Variants in PM20D2 observed in about 807,000 individuals in gnomAD.
PM20D2 encodes the protein peptidase M20 domain containing 2.
PM20D2 carries 33 observed loss-of-function variants against 42.9 expected under a neutral mutation model. That is an observed-to-expected ratio of 0.77 (90% CI 0.58 to 1.03). PM20D2 has a LOEUF of 1.03. Among genes scored for constraint, PM20D2 ranks in the 50% least tolerant of loss-of-function variants. The pLI, the probability that PM20D2 is intolerant of heterozygous loss-of-function variation, is 0.00. For missense variants in PM20D2, 548 were observed against 557.0 expected (o/e 0.98, Z 0.16); for synonymous variants, 250 against 228.2 (o/e 1.10, Z -0.86).
the PM20D2 span, among the ~76,000 whole-genome samples, chr6:89,127,482 G>A: frequency 2.2e-4 from 33 of 151,990 alleles, no homozygotes; most frequent in Non-Finnish European, 4.1e-4. Context: ...GGCATGTGCC[G>A]CCAAGCCTGG....
At chr6:89,151,581 C>T (rs952751099) in intron 2 of PM20D2, among the ~76,000 whole-genome samples, 3 of 152,158 alleles carry the variant, frequency 2.0e-5, no homozygotes, top group Admixed American at 6.5e-5. Context: ...TTTCCCAAAT[C>T]CAGTCCTTTT....
chr6:89,095,380 T>C, the PM20D2 span, among the ~76,000 whole-genome samples: 17 of 151,946 alleles, frequency 1.1e-4, no homozygotes, highest in Non-Finnish European at 2.4e-4. Context: ...GCCCGGCTAA[T>C]TTTTTTTGGT....
At chr6:89,117,970 A>G in the PM20D2 span, 2 of 1,425,234 alleles carry the variant, frequency 1.4e-6, no homozygotes, top group Non-Finnish European at 1.9e-6. Flanking sequence ...CCACCACAGG[A>G]GCTCCGCCGG....
intron 2 of PM20D2, among the ~76,000 whole-genome samples, chr6:89,149,807 CTTTAA>C (rs1263821069): frequency 3.3e-5 from 5 of 152,168 alleles, no homozygotes; most frequent in Non-Finnish European, 7.4e-5. Flanking sequence ...ATTTTATTTA[CTTTAA>C]TTTGAGTTCT....
the PM20D2 span, among the ~76,000 whole-genome samples, chr6:89,115,890 C>T: frequency 6.6e-6 from 1 of 152,104 alleles, no homozygotes; most frequent in East Asian, 1.9e-4. Context: ...CTGCCTCAGC[C>T]TCCCAAAGTG....
the PM20D2 span, among the ~76,000 whole-genome samples, chr6:89,102,015 AAAG>A: frequency 2.6e-5 from 4 of 152,050 alleles, no homozygotes; most frequent in Non-Finnish European, 5.9e-5. Flanking sequence ...AAGAGGAAAA[AAAG>A]AAATACTAAA....
upstream of PM20D2, among the ~76,000 whole-genome samples, chr6:89,141,885 C>G (rs1158094219): frequency 5.9e-5 from 9 of 152,274 alleles, no homozygotes; most frequent in South Asian, 1.7e-3. Flanking sequence ...CTTACTGTAG[C>G]TTTGACCTCC....
the PM20D2 span, among the ~76,000 whole-genome samples, chr6:89,123,157 G>C: frequency 6.6e-6 from 1 of 152,098 alleles, no homozygotes; most frequent in Non-Finnish European, 1.5e-5. Flanking sequence ...TCTTGGGGGG[G>C]TGTTTCTTTC....
the PM20D2 span, chr6:89,098,520 CATA>C: frequency 6.6e-7 from 1 of 1,512,064 alleles, no homozygotes; most frequent in Non-Finnish European, 8.8e-7. Context: ...TTTTATTTAA[CATA>C]ATGAGAGTTT....
chr6:89,161,907 G>A lies in PM20D2; in HGVS notation c.1156+17G>A, dbSNP rs1158221383. 1 of 1,587,618 alleles carries A rather than the reference G, an allele frequency of 6.3e-7. No homozygotes were observed. Among genetic ancestry groups the A allele is most frequent in the South Asian group, 1.1e-5 (1 of 90,288 alleles). ...AAGCTGCTGGTAAGTGTTGTTGGATGTGACTGTTTTGGCACACACACTCTT... is the reference window on the plus strand; with the variant it reads ...AAGCTGCTGGTAAGTGTTGTTGGATATGACTGTTTTGGCACACACACTCTT... On this transcript the variant is annotated intron_variant, in intron 6 of 6. Coordinates refer to ENST00000275072, the MANE Select transcript of PM20D2 (RefSeq NM_001010853.3).
In PM20D2 at chr6:89,146,626, G is replaced by T; in HGVS notation, c.465+17G>T. 2.1e-6 allele frequency: 3 copies of T among 1,399,976 alleles called. No individual in the cohort carries two copies. The highest frequency in any genetic ancestry group is 2.8e-6 in the Non-Finnish European group (3 of 1,084,008). The allele number at this position is 1,399,976 out of a possible 1,614,324, so 86.7% of individuals were successfully genotyped here. ...CCCGTGAAGGTGAGGTGGGGCCCGG[G>T]TGCGGGACCCTATCCGACTGCCCGG... On this transcript the variant is annotated intron_variant, in intron 1 of 6. Coordinates refer to ENST00000275072, the MANE Select transcript of PM20D2 (RefSeq NM_001010853.3).
chr6:89,125,058 G>A, the PM20D2 span, among the ~76,000 whole-genome samples: 28 of 152,106 alleles, frequency 1.8e-4, no homozygotes, highest in Admixed American at 5.9e-4. Context: ...TTTTAAGCAG[G>A]AGATTAAGAT....
chr6:89,150,301 T>G (rs1349301114), intron 2 of PM20D2, among the ~76,000 whole-genome samples: 1 of 152,148 alleles, frequency 6.6e-6, no homozygotes, highest in Non-Finnish European at 1.5e-5. Context: ...ATCTTTGAAC[T>G]TTGGTTTCAA....
the PM20D2 span, chr6:89,099,005 TA>T: frequency 6.6e-7 from 1 of 1,516,628 alleles, no homozygotes; most frequent in East Asian, 2.3e-5. Flanking sequence ...GATCAGGAAA[TA>T]ACACTTTCAG....
chr6:89,111,337 T>G, the PM20D2 span, among the ~76,000 whole-genome samples: 1 of 152,226 alleles, frequency 6.6e-6, no homozygotes, highest in Admixed American at 6.5e-5. Flanking sequence ...CTTGAAAATA[T>G]GTTGTAGTTT....
At chr6:89,115,370 C>T in the PM20D2 span, among the ~76,000 whole-genome samples, 1 of 152,124 alleles carries the variant, frequency 6.6e-6, no homozygotes. Context: ...CCAACCTCCA[C>T]CTCTGGGGTT....
chr6:89,126,060 G>A, the PM20D2 span, among the ~76,000 whole-genome samples: 237 of 151,882 alleles, frequency 1.6e-3, 3 homozygotes, highest in East Asian at 0.035. Flanking sequence ...CAATGCAGCC[G>A]GGGCGACAGA....
chr6:89,148,380 T>C (rs931901712), intron 1 of PM20D2: 1 of 240,710 alleles, frequency 4.2e-6, no homozygotes, highest in African/African-American at 2.3e-5. Flanking sequence ...AGCCAAGACT[T>C]TTCCAGCTTG....
At chr6:89,149,542 G>A in intron 2 of PM20D2, 129 bp downstream of exon 2, 1 of 1,182,010 alleles carries the variant, frequency 8.5e-7, no homozygotes, top group Non-Finnish European at 1.2e-6. Flanking sequence ...ATAACAAGAT[G>A]TCTTGATCTA....
Sources: gnomAD v4.1 joint callset for allele counts (sites outside exome capture counted in the v4.1 genomes callset) on GRCh38, gnomAD v4.1.1 for gene constraint, MANE v1.5 for transcripts, NCBI Gene and HGNC (gene_info 2026-07-23, HGNC 2026-07-21) for gene names.